Variants in POLR2B observed in about 807,000 individuals in gnomAD.
POLR2B encodes DNA-directed RNA polymerase II subunit RPB2.
Under a neutral mutation model 144.6 loss-of-function variants are expected in POLR2B, and 57 were observed. The ratio of observed to expected loss-of-function variants is 0.39; its 90% CI spans 0.32 to 0.49. The LOEUF (loss-of-function observed/expected upper bound fraction) is 0.49. Ranked by LOEUF, POLR2B falls within the 20% of genes least tolerant of loss-of-function variation. POLR2B has a pLI of 0.83. For missense variants in POLR2B, 595 were observed against 1,467.4 expected (o/e 0.41, Z 9.71); for synonymous variants, 442 against 469.8 (o/e 0.94, Z 0.77).
chr4:56,982,112 T>C (rs1361561455), intron 1 of POLR2B, among the ~76,000 whole-genome samples: 3 of 152,212 alleles, frequency 2.0e-5, no homozygotes, highest in Non-Finnish European at 4.4e-5. Context: ...CTTCTGAATG[T>C]GTATACTTCT....
At position 57,017,574 on chromosome 4, in the gene POLR2B, A is replaced by G. The variant is rs759421582; in HGVS notation, c.2169A>G (p.Thr723=). Residue 723 remains threonine, a synonymous_variant, in exon 16 of 25, where the codon ACA becomes ACG. Transcript: ENST00000314595. This position sits in a 1 kb window ranked among gnomAD's most constrained non-coding sequence, Gnocchi z 4.8. The part of the protein sequence containing the change: ...FPDHNQSPRN[T]YQSAMGKQAM... ...TTTACGTTTAGTCCCCTAGAAACAC[A>G]TACCAGTCTGCTATGGGTAAGCAGG... 5.0e-6 allele frequency: 8 copies of G among 1,608,282 alleles called. No individual in the cohort carries two copies.
chr4:56,986,207 A>G (rs1722325247), intron 1 of POLR2B, 147 bp from the exon 2 acceptor site: 1 of 730,242 alleles, frequency 1.4e-6, no homozygotes, highest in Non-Finnish European at 2.5e-6. Context: ...TATTTTATTA[A>G]TGTAATTGAA....
intron 3 of POLR2B, among the ~76,000 whole-genome samples, chr4:56,993,617 T>G (rs1722589749): frequency 6.6e-6 from 1 of 152,240 alleles, no homozygotes; most frequent in Non-Finnish European, 1.5e-5. Context: ...GGATCTTGTT[T>G]TATTAGGCAG....
At position 57,030,361 on chromosome 4, in the gene POLR2B, C is replaced by A. The variant is rs753125087; in HGVS notation, c.3397C>A (p.His1133Asn). ...GIMAIANTRT[H>N]TYECRGCRNK... The stretch of plus-strand genomic sequence containing the variant: ...AATGGCGATTGCCAACACCAGGACC[C>A]ATACATATGAATGCAGGGGCTGCCG... Residue 1133 changes from histidine (H) to asparagine (N), a missense_variant, in exon 24 of 25, where the codon CAT becomes AAT. By Grantham distance (68) the His-to-Asn change is moderately conservative. Around this residue, in one of 9 missense-constraint regions of POLR2B, gnomAD observed 45 missense variants for 80.9 expected, o/e 0.56. Coordinates refer to ENST00000314595, the MANE Select transcript of POLR2B (RefSeq NM_000938.3). 1 of 1,613,592 alleles carries A rather than the reference C, an allele frequency of 6.2e-7. No homozygotes were observed. Among genetic ancestry groups the A allele is most frequent in the Non-Finnish European group, 8.5e-7 (1 of 1,179,682 alleles).
In POLR2B at chr4:57,023,289, T is replaced by C. The variant is rs913090981; in HGVS notation, c.2516-41T>C. Reference sequence around the variant, plus strand: ...ATTCATGTATGTGGTTTTTAATCTTTGTTGGGGATTATGTGACATTCCGTG... The same window carrying C: ...ATTCATGTATGTGGTTTTTAATCTTCGTTGGGGATTATGTGACATTCCGTG... On this transcript the variant is annotated intron_variant, in intron 18 of 24. Transcript: ENST00000314595. The surrounding 1 kb of genome is among the most constrained non-coding windows in gnomAD (Gnocchi z 4.3). The C allele has an allele frequency of 6.2e-7, 1 of 1,606,844 alleles. No individual in the cohort carries two copies. Among genetic ancestry groups the C allele is most frequent in the South Asian group, 1.1e-5 (1 of 90,298 alleles).
At chr4:56,980,927 C>A (rs1722138196) in intron 1 of POLR2B, among the ~76,000 whole-genome samples, 1 of 151,818 alleles carries the variant, frequency 6.6e-6, no homozygotes, top group Non-Finnish European at 1.5e-5. Flanking sequence ...GCCTCAGCCT[C>A]CCGAGTAGCT....
chr4:57,004,020 CTTTTTTTTTT>C (rs138828073), intron 7 of POLR2B, among the ~76,000 whole-genome samples: 24 of 72,336 alleles, frequency 3.3e-4, no homozygotes, highest in Admixed American at 8.4e-4. Flanking sequence ...TAAATTAAAT[CTTTTTTTTTT>C]TTTTTTTTTT....
intron 10 of POLR2B, chr4:57,009,747 G>A (rs561274851): frequency 6.7e-6 from 1 of 148,582 alleles, no homozygotes; most frequent in African/African-American, 2.6e-5. Context: ...ACTTAGGAAA[G>A]AGGAAGAAAG....
intron 10 of POLR2B, 80 bp from the exon 11 acceptor site, chr4:57,010,280 GT>G: frequency 8.2e-7 from 1 of 1,224,696 alleles, no homozygotes; most frequent in Admixed American, 2.0e-5. Flanking sequence ...TAGATTATAT[GT>G]AAAAATATGA....
chr4:57,003,307 G>C (rs1004204255), intron 7 of POLR2B, among the ~76,000 whole-genome samples: 1 of 152,180 alleles, frequency 6.6e-6, no homozygotes, highest in African/African-American at 2.4e-5. Context: ...GTGTGCGCCT[G>C]TTGTCCCAGC....
At chr4:56,984,816 T>C (rs953935072) in intron 1 of POLR2B, among the ~76,000 whole-genome samples, 1 of 152,262 alleles carries the variant, frequency 6.6e-6, no homozygotes, top group Non-Finnish European at 1.5e-5. Flanking sequence ...AGCACACTTA[T>C]TCTTTCCCTT....
rs539881429 is a variant in POLR2B at position 56,992,331 on chromosome 4, G to A, written c.243+1433G>A. 1.7e-3 allele frequency among the ~76,000 whole-genome samples: 260 copies of A among 151,470 alleles called. 3 individuals carry two copies. The East Asian group carries it at 0.05, about 29-fold the overall frequency. The stretch of plus-strand genomic sequence containing the variant: ...AGTACAAAAATTAGCCGGGTGTGGT[G>A]CCAGGCACCTGTAGTCCCAGCTACT... On this transcript the variant is annotated intron_variant, in intron 3 of 24. Coordinates refer to ENST00000314595, the MANE Select transcript of POLR2B (RefSeq NM_000938.3).
At chr4:57,020,470 C>G (rs1412920609) in intron 16 of POLR2B, among the ~76,000 whole-genome samples, 1 of 152,092 alleles carries the variant, frequency 6.6e-6, no homozygotes, top group East Asian at 1.9e-4. Flanking sequence ...AGTTTCAAAC[C>G]TAAAAGCTGG....
intron 1 of POLR2B, chr4:56,985,501 A>G (rs1028470801): frequency 2.0e-6 from 2 of 978,380 alleles, no homozygotes; most frequent in Non-Finnish European, 2.4e-6. Flanking sequence ...CCTGGGTTCA[A>G]GCAATTCTCT....
intron 23 of POLR2B, among the ~76,000 whole-genome samples, chr4:57,028,142 A>G (rs1291733150): frequency 6.6e-6 from 1 of 152,226 alleles, no homozygotes; most frequent in Non-Finnish European, 1.5e-5. Flanking sequence ...GGGTGTTAAC[A>G]TGTTGATGAG....
Position 57,023,109 on chromosome 4 carries a change from A to G in POLR2B, c.2516-221A>G, listed in dbSNP as rs977592891. The G allele has an allele frequency of 2.1e-6, 1 of 484,266 alleles. No individual in the cohort carries two copies. The highest frequency in any genetic ancestry group is 3.6e-6 in the Non-Finnish European group (1 of 275,380). The allele number at this position is 484,266 out of a possible 1,614,324, so 30.0% of individuals were successfully genotyped here. A position where few individuals can be genotyped will look rare whatever the true frequency, so the allele number is the denominator to read the frequency against. On this transcript the variant is annotated intron_variant, in intron 18 of 24. Coordinates refer to ENST00000314595, the MANE Select transcript of POLR2B (RefSeq NM_000938.3). The surrounding 1 kb of genome is among the most constrained non-coding windows in gnomAD (Gnocchi z 4.3). ...CTGTCATGGAAGAATCTGCTTTCCC[A>G]GTGCTGATTCCAATGTTCTTTTCCT...
intron 2 of POLR2B, among the ~76,000 whole-genome samples, chr4:56,988,197 A>G (rs1209642470): frequency 6.6e-5 from 10 of 152,130 alleles, no homozygotes; most frequent in Admixed American, 5.9e-4. Context: ...GGCAGTTGCC[A>G]TGTTTGGTTG....
rs544859639 is a variant in POLR2B, at chr4:56,998,668, T to G, written c.736-949T>G. 2.0e-5 allele frequency among the ~76,000 whole-genome samples: 3 copies of G among 152,368 alleles called. No individual in the cohort carries two copies. In the East Asian group the frequency reaches 5.8e-4, roughly 29 times the overall value. On this transcript the variant is annotated intron_variant, in intron 6 of 24. Transcript: ENST00000314595. ...CCACTGTGCCCAGCTGTATTATTTT[T>G]TAATGTTCTGCTTGTTCTGGGATAA...
At chr4:57,008,018 G>T (rs1317158559) in intron 10 of POLR2B, among the ~76,000 whole-genome samples, 2 of 152,148 alleles carry the variant, frequency 1.3e-5, no homozygotes, top group Non-Finnish European at 2.9e-5. Flanking sequence ...TTGTAATTCA[G>T]TAAGGATTTA....
Sources: allele counts gnomAD v4.1 joint callset (sites outside exome capture counted in the v4.1 genomes callset), GRCh38; gene constraint gnomAD v4.1.1; regional missense constraint gnomAD v4.1.1; non-coding constraint Gnocchi (gnomAD v3.1); transcripts MANE v1.5; gene names NCBI Gene and HGNC (gene_info 2026-07-23, HGNC 2026-07-21).